Variants in MTNAP1 observed in about 807,000 individuals in gnomAD.
MTNAP1 encodes the protein mitochondrial nucleoid associated protein 1, also known as mitochondrial nucleoid-associated protein 1.
the MTNAP1 span, chr17:73,232,447 C>G: frequency 4.2e-6 from 4 of 946,446 alleles, no homozygotes; most frequent in African/African-American, 3.4e-5. Flanking sequence ...AAGGACCTCC[C>G]CTGGGGTGGC....
the MTNAP1 span, among the ~76,000 whole-genome samples, chr17:73,238,890 A>G: frequency 2.0e-5 from 3 of 151,982 alleles, no homozygotes; most frequent in Non-Finnish European, 4.4e-5. Context: ...CACCATAACT[A>G]AAACCATGTT....
the MTNAP1 span, among the ~76,000 whole-genome samples, chr17:73,238,948 G>T: frequency 9.4e-5 from 14 of 148,658 alleles, no homozygotes; most frequent in African/African-American, 1.5e-4. Flanking sequence ...TTGTTTTTTT[G>T]TTTGTTTGTT....
chr17:73,246,936 G>A, the MTNAP1 span, among the ~76,000 whole-genome samples: 10 of 152,102 alleles, frequency 6.6e-5, no homozygotes, highest in Non-Finnish European at 1.3e-4. Context: ...ACCTCCCCAT[G>A]TGTCCTTACT....
the MTNAP1 span, chr17:73,236,971 C>A: frequency 6.3e-7 from 1 of 1,581,590 alleles, no homozygotes; most frequent in South Asian, 1.1e-5. Context: ...ACTTATCAGT[C>A]CCCAGGGGGA....
At chr17:73,247,569 A>C in the MTNAP1 span, 1 of 474,824 alleles carries the variant, frequency 2.1e-6, no homozygotes, top group Non-Finnish European at 3.8e-6. Context: ...ACTTAGTCAC[A>C]GTAAATATTT....
chr17:73,236,605 A>C, the MTNAP1 span: 1 of 1,614,208 alleles, frequency 6.2e-7, no homozygotes, highest in Non-Finnish European at 8.5e-7. Context: ...AAGTAGTCAA[A>C]GTCTTGCCTC....
chr17:73,243,644 T>G, the MTNAP1 span, among the ~76,000 whole-genome samples: 1 of 151,432 alleles, frequency 6.6e-6, no homozygotes, highest in African/African-American at 2.4e-5. Context: ...TTCTTCTGCC[T>G]CAGCCTCCTG....
At chr17:73,243,095 T>TTTTTTTTTTGTTTTTTTTTTG in the MTNAP1 span, 1 of 936,786 alleles carries the variant, frequency 1.1e-6, no homozygotes, top group Non-Finnish European at 1.6e-6. Context: ...TTTTTTTTTT[T>TTTTTTTTTTGTTTTTTTTTTG]TTTTTTACAG....
the MTNAP1 span, among the ~76,000 whole-genome samples, chr17:73,235,257 G>C: frequency 7.5e-3 from 1,145 of 152,150 alleles, 7 homozygotes; most frequent in Middle Eastern, 0.017. Flanking sequence ...TTGGTTCCTG[G>C]CCTAAGTTTT....
At chr17:73,233,662 A>G in the MTNAP1 span, among the ~76,000 whole-genome samples, 2 of 152,146 alleles carry the variant, frequency 1.3e-5, no homozygotes, top group Non-Finnish European at 2.9e-5. Flanking sequence ...TCAGGAGTTC[A>G]AGACCAGCCT....
chr17:73,248,786 C>G, the MTNAP1 span: 1 of 433,746 alleles, frequency 2.3e-6, no homozygotes, highest in Non-Finnish European at 4.1e-6. Context: ...TGAATAATAT[C>G]TGAAAGACTG....
the MTNAP1 span, chr17:73,236,394 A>G: frequency 1.2e-6 from 2 of 1,614,138 alleles, no homozygotes; most frequent in Non-Finnish European, 1.7e-6. Context: ...CCCTGGGAGT[A>G]GAGACGTGTG....
the MTNAP1 span, chr17:73,242,876 C>T: frequency 3.8e-6 from 6 of 1,596,978 alleles, no homozygotes; most frequent in East Asian, 4.5e-5. Context: ...TAACAACAAG[C>T]CGTGTTTCCT....
At chr17:73,247,447 T>C in the MTNAP1 span, 2 of 1,121,602 alleles carry the variant, frequency 1.8e-6, no homozygotes, top group Non-Finnish European at 2.7e-6. Context: ...GTGGTAGCAT[T>C]AAGGGATAGC....
At chr17:73,245,381 A>G in the MTNAP1 span, 23 of 1,288,634 alleles carry the variant, frequency 1.8e-5, no homozygotes, top group South Asian at 2.4e-5. Flanking sequence ...TAATATAGAC[A>G]GATCTGGTTC....
the MTNAP1 span, chr17:73,242,365 T>G: frequency 1.3e-5 from 20 of 1,512,774 alleles, no homozygotes; most frequent in East Asian, 4.7e-4. Context: ...AGGCTGGAGT[T>G]TGACTGTTGT....
chr17:73,237,109 T>C, the MTNAP1 span: 14 of 1,101,230 alleles, frequency 1.3e-5, no homozygotes, highest in Non-Finnish European at 1.8e-5. Context: ...TATTTTCACC[T>C]AGGCATGCCA....
the MTNAP1 span, chr17:73,243,096 T>TTTTGA: frequency 1.0e-6 from 1 of 995,258 alleles, no homozygotes; most frequent in South Asian, 1.4e-5. Flanking sequence ...TTTTTTTTTT[T>TTTTGA]TTTTTACAGC....
At chr17:73,233,650 G>A in the MTNAP1 span, among the ~76,000 whole-genome samples, 1 of 152,316 alleles carries the variant, frequency 6.6e-6, no homozygotes, top group Admixed American at 6.5e-5. Context: ...GATCACCTGA[G>A]GTCAGGAGTT....
Sources: allele counts gnomAD v4.1 joint callset (sites outside exome capture counted in the v4.1 genomes callset), GRCh38; gene constraint gnomAD v4.1.1; transcripts MANE v1.5; gene names NCBI Gene and HGNC (gene_info 2026-07-23, HGNC 2026-07-21).